Variants in MYO18B observed in about 807,000 individuals in gnomAD.
MYO18B encodes the protein unconventional myosin-XVIIIb.
Under a neutral mutation model 273.0 loss-of-function variants are expected in MYO18B, and 204 were observed. The ratio of observed to expected loss-of-function variants is 0.75; its 90% CI spans 0.67 to 0.84. The LOEUF is 0.84. Ranked by LOEUF, MYO18B falls within the 40% of genes least tolerant of loss-of-function variation. The pLI is 0.00. For synonymous variants in MYO18B, 1,330 were observed against 1,305.7 expected, an observed-to-expected ratio of 1.02 and a Z score of -0.40; for missense variants, 3,212 against 3,287.6, an observed-to-expected ratio of 0.98 and a Z score of 0.56.
At chr22:25,745,895 T>C (rs2085765311) in intron 1 of MYO18B, among the ~76,000 whole-genome samples, 2 of 152,188 alleles carry the variant, frequency 1.3e-5, no homozygotes, top group South Asian at 4.1e-4. Flanking sequence ...TAGAGATGGT[T>C]GCTTGATGGG....
intron 14 of MYO18B, among the ~76,000 whole-genome samples, chr22:25,826,937 T>C (rs2089514644): frequency 6.6e-6 from 1 of 152,010 alleles, no homozygotes; most frequent in African/African-American, 2.4e-5. Flanking sequence ...GGTGGGCGCC[T>C]GTAATCCCAG....
At chr22:25,889,196 A>G (rs921634482) in intron 25 of MYO18B, among the ~76,000 whole-genome samples, 8 of 152,044 alleles carry the variant, frequency 5.3e-5, no homozygotes, top group African/African-American at 1.7e-4. Flanking sequence ...ATGTCAGAAC[A>G]TAGATCTGCG....
chr22:25,947,311 G>A (rs1276515808), intron 35 of MYO18B, among the ~76,000 whole-genome samples: 1 of 152,036 alleles, frequency 6.6e-6, no homozygotes, highest in Admixed American at 6.6e-5. Context: ...TGCTGCTGAG[G>A]TTATGTTTGT....
At chr22:25,865,734 AT>A (rs924176921) in intron 21 of MYO18B, among the ~76,000 whole-genome samples, 11 of 152,072 alleles carry the variant, frequency 7.2e-5, no homozygotes, top group South Asian at 2.1e-4. Flanking sequence ...CTGGATCATG[AT>A]TTTTTTTCCC....
intron 33 of MYO18B, among the ~76,000 whole-genome samples, chr22:25,918,416 A>C (rs1252891038): frequency 2.6e-5 from 4 of 152,236 alleles, no homozygotes; most frequent in Admixed American, 6.5e-5. Flanking sequence ...TAGATTTATT[A>C]GTTAATTATT....
chr22:25,767,892 C>T (rs1349162955), intron 3 of MYO18B, among the ~76,000 whole-genome samples: 1 of 152,182 alleles, frequency 6.6e-6, no homozygotes. Context: ...TTCTGTTGGG[C>T]TCCAAAGTCC....
intron 21 of MYO18B, among the ~76,000 whole-genome samples, chr22:25,854,488 T>TA (rs144755290): frequency 5.3e-5 from 8 of 151,756 alleles, no homozygotes; most frequent in East Asian, 1.9e-4. Flanking sequence ...ACATAGGGCT[T>TA]AAAAAAAAAT....
At chr22:25,770,728 C>T (rs1299035750) in intron 5 of MYO18B, 144 bp from the exon 6 acceptor site, 2 of 630,234 alleles carry the variant, frequency 3.2e-6, no homozygotes, top group East Asian at 2.7e-5. Context: ...AGTGAATAGA[C>T]CCCAAATGGA....
intron 31 of MYO18B, among the ~76,000 whole-genome samples, chr22:25,905,851 T>C (rs2092032274): frequency 6.6e-6 from 1 of 151,804 alleles, no homozygotes; most frequent in Non-Finnish European, 1.5e-5. Context: ...TGTAGGTCTT[T>C]AAAGGGCATG....
chr22:25,863,278 T>C (rs1362290973), intron 21 of MYO18B, among the ~76,000 whole-genome samples: 1 of 152,226 alleles, frequency 6.6e-6, no homozygotes, highest in Non-Finnish European at 1.5e-5. Context: ...AACATACTTA[T>C]AATAGCTGTT....
At chr22:25,846,603 T>A (rs2090254948) in intron 19 of MYO18B, among the ~76,000 whole-genome samples, 1 of 152,202 alleles carries the variant, frequency 6.6e-6, no homozygotes, top group Non-Finnish European at 1.5e-5. Context: ...AGAGCCAGAC[T>A]AGCCCTGTCT....
chr22:25,882,717 T>G (rs1007715623), intron 25 of MYO18B, among the ~76,000 whole-genome samples: 18 of 152,214 alleles, frequency 1.2e-4, no homozygotes, highest in African/African-American at 3.4e-4. Context: ...GTGCTACTAC[T>G]GGTTTATGTC....
rs981188922 is a variant in MYO18B at position 25,977,138 on chromosome 22, A to G, written c.6157-15225A>G. Among the ~76,000 whole-genome samples, 4 of 152,158 alleles carry G rather than the reference A, an allele frequency of 2.6e-5. No individual in the cohort carries two copies. In the South Asian group the frequency reaches 8.3e-4, roughly 32 times the overall value. On this transcript the variant is annotated intron_variant, in intron 39 of 43. Transcript: ENST00000335473. Reference sequence around the variant, plus strand: ...CCAAACAGATGTGGGATCCATTTCTATGTCTTGCAATGGATGTGGTTCTCC... The same window carrying G: ...CCAAACAGATGTGGGATCCATTTCTGTGTCTTGCAATGGATGTGGTTCTCC...
the MYO18B span, among the ~76,000 whole-genome samples, chr22:26,052,244 GT>G: frequency 1.8e-4 from 28 of 152,286 alleles, no homozygotes; most frequent in South Asian, 1.9e-3. Flanking sequence ...AAAGGCACAG[GT>G]TGGAGGATGG....
Position 26,027,315 on chromosome 22 carries a change from T to A in MYO18B, c.7341T>A (p.Ala2447=). ...TKVDFDDFLP[A]IRKPQTPTSL... ...TGGACTTCGATGACTTCCTCCCAGC[T>A]ATCCGGAAGCCCCAGACACCTACCT... is the stretch of plus-strand genomic sequence containing the variant. Residue 2447 remains alanine (A), a synonymous_variant, in exon 43 of 44, where the codon GCT becomes GCA. Transcript: ENST00000335473. This position sits in a 1 kb window ranked among gnomAD's most constrained non-coding sequence, Gnocchi z 4.1. The A allele has an allele frequency of 6.2e-7, 1 of 1,613,992 alleles. No homozygotes were observed. Among genetic ancestry groups the A allele is most frequent in the South Asian group, 1.1e-5 (1 of 91,086 alleles).
chr22:25,822,132 C>G (rs1475538721), intron 12 of MYO18B, among the ~76,000 whole-genome samples: 1 of 152,192 alleles, frequency 6.6e-6, no homozygotes, highest in African/African-American at 2.4e-5. Context: ...TTCCTCTCCC[C>G]ACCCCGTTAC....
intron 39 of MYO18B, 47 bp downstream of exon 39, chr22:25,955,411 A>G (rs371436380): frequency 1.3e-6 from 2 of 1,560,518 alleles, no homozygotes; most frequent in Non-Finnish European, 8.7e-7. Flanking sequence ...AGGGTTTGCA[A>G]TGTGGTAGAC....
At chr22:25,980,446 G>T (rs1368926464) in intron 39 of MYO18B, among the ~76,000 whole-genome samples, 2 of 152,164 alleles carry the variant, frequency 1.3e-5, no homozygotes, top group Admixed American at 1.3e-4. Flanking sequence ...GAGAATCCTG[G>T]CAGGGAAAGC....
intron 34 of MYO18B, 85 bp downstream of exon 34, chr22:25,921,494 CG>C (rs2092341631): frequency 3.4e-6 from 5 of 1,474,376 alleles, no homozygotes; most frequent in Non-Finnish European, 4.6e-6. Flanking sequence ...CAGGTATGAG[CG>C]GAACCATGGT....
Sources: gnomAD v4.1 joint callset for allele counts (sites outside exome capture counted in the v4.1 genomes callset) on GRCh38, gnomAD v4.1.1 for gene constraint, Gnocchi (gnomAD v3.1) non-coding constraint, MANE v1.5 for transcripts, NCBI Gene and HGNC (gene_info 2026-07-23, HGNC 2026-07-21) for gene names.